The following PAWR variants were observed in gnomAD, a reference collection of about 807,000 sequenced individuals.
PAWR encodes the protein pro-apoptotic WT1 regulator.
Under a neutral mutation model 32.0 loss-of-function variants are expected in PAWR, and 23 were observed. The observed-to-expected ratio is 0.72, with a 90% CI of 0.52 to 1.02. The LOEUF (loss-of-function observed/expected upper bound fraction) is 1.02. PAWR is among the 50% of genes least tolerant of loss of function. The pLI, the probability that PAWR is intolerant of heterozygous loss-of-function variation, is 0.00. For synonymous variants in PAWR, 226 were observed against 187.1 expected, an observed-to-expected ratio of 1.21 and a Z score of -1.70; for missense variants, 457 against 437.7, an observed-to-expected ratio of 1.04 and a Z score of -0.39.
At position 79,613,614 on chromosome 12, in the gene PAWR, A is replaced by G; in HGVS notation, c.649-5T>C. The G allele has an allele frequency of 6.6e-7, 1 of 1,519,016 alleles. No homozygotes were observed. The highest frequency in any genetic ancestry group is 9.1e-7 in the Non-Finnish European group (1 of 1,100,336). The allele number at this position is 1,519,016 out of a possible 1,614,324, so 94.1% of individuals were successfully genotyped here. ...TGAAACTGTTCTAGGTGGCTCCTGC[A>G]AAGTAAAAATAATTATGTATCAGTT... On this transcript the variant is annotated splice_polypyrimidine_tract_variant and splice_region_variant and intron_variant, in intron 3 of 6. Coordinates refer to ENST00000328827, the MANE Select transcript of PAWR (RefSeq NM_002583.4).
chr12:79,627,599 A>G (rs1451905788), intron 2 of PAWR, among the ~76,000 whole-genome samples: 1 of 151,916 alleles, frequency 6.6e-6, no homozygotes, highest in Non-Finnish European at 1.5e-5. Flanking sequence ...GTTTAATTAG[A>G]TCCCATTTGT....
At chr12:79,676,467 CTG>C (rs1878172919) in intron 2 of PAWR, among the ~76,000 whole-genome samples, 1 of 152,128 alleles carries the variant, frequency 6.6e-6, no homozygotes, top group African/African-American at 2.4e-5. Flanking sequence ...CATTAATAAA[CTG>C]TATTCTCTGC....
At chr12:79,683,241 G>A (rs960578889) in intron 2 of PAWR, among the ~76,000 whole-genome samples, 2 of 152,136 alleles carry the variant, frequency 1.3e-5, no homozygotes, top group African/African-American at 2.4e-5. Context: ...AACCTCATAG[G>A]AAATTAACCT....
intron 2 of PAWR, among the ~76,000 whole-genome samples, chr12:79,685,215 C>G (rs1406617629): frequency 6.6e-6 from 1 of 152,056 alleles, no homozygotes; most frequent in African/African-American, 2.4e-5. Flanking sequence ...GGCTAATAGC[C>G]CAGGTTTTAC....
At chr12:79,609,828 G>C (rs1415810491) in intron 4 of PAWR, among the ~76,000 whole-genome samples, 1 of 152,120 alleles carries the variant, frequency 6.6e-6, no homozygotes, top group Non-Finnish European at 1.5e-5. Flanking sequence ...ACAAGAAAAG[G>C]CAGAGGACCC....
At chr12:79,604,982 C>A (rs1011532265) in intron 4 of PAWR, among the ~76,000 whole-genome samples, 1 of 152,026 alleles carries the variant, frequency 6.6e-6, no homozygotes, top group African/African-American at 2.4e-5. Flanking sequence ...TATCTCCTCC[C>A]AGAAAAATAA....
intron 2 of PAWR, among the ~76,000 whole-genome samples, chr12:79,642,118 G>T (rs776047869): frequency 9.9e-5 from 15 of 151,742 alleles, no homozygotes; most frequent in Non-Finnish European, 2.2e-4. Context: ...TATAAAAAGG[G>T]AATAAAAGTA....
At chr12:79,600,416 T>C (rs890254370) in intron 4 of PAWR, among the ~76,000 whole-genome samples, 1 of 147,450 alleles carries the variant, frequency 6.8e-6, no homozygotes, top group Non-Finnish European at 1.5e-5. Context: ...AAATTATTTA[T>C]GGGACGAGAA....
At chr12:79,683,017 A>C (rs1000794522) in intron 2 of PAWR, among the ~76,000 whole-genome samples, 2 of 152,232 alleles carry the variant, frequency 1.3e-5, no homozygotes, top group Non-Finnish European at 2.9e-5. Flanking sequence ...AAATGAGTGA[A>C]AGTAAAGTTC....
At chr12:79,682,923 T>C (rs1878512192) in intron 2 of PAWR, among the ~76,000 whole-genome samples, 1 of 152,226 alleles carries the variant, frequency 6.6e-6, no homozygotes, top group Non-Finnish European at 1.5e-5. Context: ...GCAAACACAA[T>C]GCTTTAAAAG....
Position 79,621,175 on chromosome 12 carries a change from C to A in PAWR, c.549G>T (p.Gly183=), listed in dbSNP as rs1360704991. Residue 183 remains glycine (G), a synonymous_variant, in exon 3 of 7, where the codon GGG becomes GGT. Coordinates refer to ENST00000328827, the MANE Select transcript of PAWR (RefSeq NM_002583.4). ...CATCTTCTCGTTTCCGCTCTTTCTG[C>A]CCTGCTTCATCATCTTCGTACTCAT... ...CLDEYEDDEA[G]QKERKREDAI... The A allele has an allele frequency of 2.5e-6, 4 of 1,611,298 alleles. No individual in the cohort carries two copies. Among genetic ancestry groups the A allele is most frequent in the Non-Finnish European group, 3.4e-6 (4 of 1,179,308 alleles).
At chr12:79,605,236 G>T (rs1874126769) in intron 4 of PAWR, among the ~76,000 whole-genome samples, 1 of 151,926 alleles carries the variant, frequency 6.6e-6, no homozygotes, top group Non-Finnish European at 1.5e-5. Flanking sequence ...TTAAGTTGTT[G>T]CAGTTAGGGA....
chr12:79,639,572 C>A (rs1419492553), intron 2 of PAWR, among the ~76,000 whole-genome samples: 1 of 152,080 alleles, frequency 6.6e-6, no homozygotes, highest in African/African-American at 2.4e-5. Context: ...TTCCTTGTCC[C>A]CTGGACTTCT....
At chr12:79,640,607 G>T (rs918603544) in intron 2 of PAWR, among the ~76,000 whole-genome samples, 1 of 152,072 alleles carries the variant, frequency 6.6e-6, no homozygotes, top group Non-Finnish European at 1.5e-5. Context: ...CGGGTATGGT[G>T]GTGTGCGCCT....
intron 4 of PAWR, 59 bp from the exon 5 acceptor site, chr12:79,596,717 A>G (rs2136674941): frequency 8.9e-7 from 1 of 1,129,486 alleles, no homozygotes; most frequent in Non-Finnish European, 1.2e-6. Context: ...AAATGCCAAG[A>G]ATATTTTCTA....
chr12:79,661,467 A>T (rs1404747985), intron 2 of PAWR, among the ~76,000 whole-genome samples: 1 of 152,172 alleles, frequency 6.6e-6, no homozygotes, highest in Non-Finnish European at 1.5e-5. Flanking sequence ...GATACTTAAG[A>T]AATAACAACA....
At chr12:79,621,497 C>G (rs1875012375) in intron 2 of PAWR, among the ~76,000 whole-genome samples, 1 of 151,990 alleles carries the variant, frequency 6.6e-6, no homozygotes, top group Non-Finnish European at 1.5e-5. Flanking sequence ...ATCATTCATT[C>G]AATAAGTAAA....
At chr12:79,604,028 C>G (rs190509813) in intron 4 of PAWR, 1 of 155,408 alleles carries the variant, frequency 6.4e-6, no homozygotes, top group East Asian at 1.9e-4. Flanking sequence ...GCTTCATTCC[C>G]AATATGTATT....
At chr12:79,657,991 A>G (rs1233853666) in intron 2 of PAWR, among the ~76,000 whole-genome samples, 4 of 152,188 alleles carry the variant, frequency 2.6e-5, no homozygotes, top group Non-Finnish European at 5.9e-5. Flanking sequence ...ATGTCAAACA[A>G]GATAAGGCCT....
Sources: gnomAD v4.1 joint callset for allele counts (sites outside exome capture counted in the v4.1 genomes callset) on GRCh38, gnomAD v4.1.1 for gene constraint, MANE v1.5 for transcripts, NCBI Gene and HGNC (gene_info 2026-07-23, HGNC 2026-07-21) for gene names.